Variants in CNTN3 observed in about 807,000 individuals in gnomAD.
The protein encoded by CNTN3 is contactin-3.
CNTN3 carries 60 observed loss-of-function variants against 119.1 expected under a neutral mutation model. The observed-to-expected ratio is 0.50, with a 90% CI of 0.41 to 0.62. The LOEUF (loss-of-function observed/expected upper bound fraction) is 0.62. Among genes scored for constraint, CNTN3 ranks in the 20% least tolerant of loss-of-function variants. The probability of loss-of-function intolerance (pLI) is 0.00; values close to 1 mark genes in which losing one functional copy is unlikely to be tolerated. For missense variants in CNTN3, 1,101 were observed against 1,242.4 expected, an observed-to-expected ratio of 0.89 and a Z score of 1.71; for synonymous variants, 450 against 438.7, an observed-to-expected ratio of 1.03 and a Z score of -0.32.
At chr3:74,327,741 T>C (rs1366230331) in intron 13 of CNTN3, among the ~76,000 whole-genome samples, 3 of 152,074 alleles carry the variant, frequency 2.0e-5, no homozygotes, top group African/African-American at 7.2e-5. Flanking sequence ...GTTTTCATAA[T>C]AATGAATCTA....
At chr3:74,594,798 T>G (rs1704770270) in intron 1 of CNTN3, among the ~76,000 whole-genome samples, 2 of 151,958 alleles carry the variant, frequency 1.3e-5, no homozygotes, top group Non-Finnish European at 2.9e-5. Flanking sequence ...TTATAGTCCT[T>G]TGGGTATATA....
chr3:74,567,029 G>A (rs1431823018), intron 1 of CNTN3, among the ~76,000 whole-genome samples: 2 of 152,132 alleles, frequency 1.3e-5, no homozygotes, highest in African/African-American at 4.8e-5. Context: ...TCAGCCTCTT[G>A]GGGCACAGAG....
chr3:74,583,222 C>A (rs1331211643), intron 1 of CNTN3, among the ~76,000 whole-genome samples: 1 of 152,060 alleles, frequency 6.6e-6, no homozygotes, highest in East Asian at 1.9e-4. Flanking sequence ...AGTGTGACCT[C>A]TGGATCGCAG....
intron 16 of CNTN3, among the ~76,000 whole-genome samples, chr3:74,300,816 C>T (rs1407149282): frequency 2.6e-5 from 4 of 152,092 alleles, no homozygotes; most frequent in Non-Finnish European, 5.9e-5. Context: ...TAATGTGATG[C>T]TATGTACACT....
intron 16 of CNTN3, among the ~76,000 whole-genome samples, chr3:74,301,089 T>C (rs188619664): frequency 2.6e-5 from 4 of 152,322 alleles, no homozygotes; most frequent in East Asian, 1.9e-4. Flanking sequence ...AAAACAGCAC[T>C]TCCCTTGTTA....
intron 1 of CNTN3, among the ~76,000 whole-genome samples, chr3:74,613,292 A>ATTCTTGCT (rs968166400): frequency 1.7e-5 from 2 of 114,508 alleles, no homozygotes; most frequent in Non-Finnish European, 3.7e-5. Context: ...TTTTTTAGTT[A>ATTCTTGCT]TTCTTGCTTA....
At chr3:74,331,429 G>A (rs1170800147) in intron 13 of CNTN3, among the ~76,000 whole-genome samples, 1 of 152,146 alleles carries the variant, frequency 6.6e-6, no homozygotes, top group Admixed American at 6.5e-5. Flanking sequence ...GTCCACATAA[G>A]GACGGAATTG....
chr3:74,529,265 A>G (rs1019988430), intron 1 of CNTN3, among the ~76,000 whole-genome samples: 3 of 151,920 alleles, frequency 2.0e-5, no homozygotes, highest in Admixed American at 2.0e-4. Flanking sequence ...GATTAACAAT[A>G]GAAAAGTAAT....
intron 11 of CNTN3, among the ~76,000 whole-genome samples, chr3:74,358,108 T>C (rs1455976313): frequency 6.6e-6 from 1 of 152,184 alleles, no homozygotes; most frequent in African/African-American, 2.4e-5. Flanking sequence ...CTAGCAGGCT[T>C]CTCCCTAAGC....
chr3:74,440,006 C>T (rs1701934779), intron 4 of CNTN3, among the ~76,000 whole-genome samples: 1 of 152,132 alleles, frequency 6.6e-6, no homozygotes, highest in African/African-American at 2.4e-5. Context: ...GATATAAAGA[C>T]CCAAGGCAAT....
intron 1 of CNTN3, among the ~76,000 whole-genome samples, chr3:74,543,834 C>T (rs1703875328): frequency 1.3e-5 from 2 of 152,006 alleles, no homozygotes; most frequent in Admixed American, 1.3e-4. Context: ...AAAACTGAGA[C>T]AGTCGAAAAA....
At chr3:74,453,788 A>C (rs2106955483) in intron 4 of CNTN3, among the ~76,000 whole-genome samples, 1 of 151,792 alleles carries the variant, frequency 6.6e-6, no homozygotes, top group East Asian at 1.9e-4. Context: ...GTAGTCATTC[A>C]GGAGCAGGTT....
At chr3:74,557,189 C>G (rs1301133403) in intron 1 of CNTN3, among the ~76,000 whole-genome samples, 2 of 152,094 alleles carry the variant, frequency 1.3e-5, no homozygotes, top group Non-Finnish European at 2.9e-5. Context: ...GTTTTAATGT[C>G]ATATCTAAGA....
chr3:74,613,127 T>C (rs939604989), intron 1 of CNTN3, among the ~76,000 whole-genome samples: 6 of 152,170 alleles, frequency 3.9e-5, no homozygotes, highest in Admixed American at 2.0e-4. Flanking sequence ...TTACTCCTCC[T>C]TTCAATCTCT....
intron 4 of CNTN3, among the ~76,000 whole-genome samples, chr3:74,443,072 G>A (rs1445212705): frequency 6.6e-6 from 1 of 152,048 alleles, no homozygotes; most frequent in Non-Finnish European, 1.5e-5. Flanking sequence ...AGAAAGGCAA[G>A]TGGGAAGGCC....
intron 5 of CNTN3, among the ~76,000 whole-genome samples, chr3:74,374,252 T>C (rs902794746): frequency 6.6e-6 from 1 of 151,900 alleles, no homozygotes; most frequent in Non-Finnish European, 1.5e-5. Context: ...TGAGGCTCTC[T>C]GCCCATTTCT....
rs577165418 is a variant in CNTN3, at chr3:74,468,987, T to C, written c.358+17469A>G. Among the ~76,000 whole-genome samples, 14 of 152,318 alleles carry C rather than the reference T, an allele frequency of 9.2e-5. No homozygotes were observed. The East Asian group carries it at 2.5e-3, about 27-fold the overall frequency. ...TCTAAAGGCCATTGTTATACTGTGATACTTGGGAAAATCTCAATTAAAAAA... is the reference window on the plus strand; with the variant it reads ...TCTAAAGGCCATTGTTATACTGTGACACTTGGGAAAATCTCAATTAAAAAA... On this transcript the variant is annotated intron_variant, in intron 4 of 22. Transcript: ENST00000263665.
chr3:74,308,348 GAT>G (rs1702606293), intron 13 of CNTN3, among the ~76,000 whole-genome samples: 1 of 152,296 alleles, frequency 6.6e-6, no homozygotes, highest in East Asian at 1.9e-4. Context: ...CTGAACAGGT[GAT>G]ATTTAAGACA....
chr3:74,323,367 T>C (rs1575726273), intron 13 of CNTN3, among the ~76,000 whole-genome samples: 2 of 152,210 alleles, frequency 1.3e-5, no homozygotes, highest in East Asian at 3.8e-4. Flanking sequence ...TATGTTTCCA[T>C]TTATATGAAA....
Sources: gnomAD v4.1 joint callset for allele counts (sites outside exome capture counted in the v4.1 genomes callset) on GRCh38, gnomAD v4.1.1 for gene constraint, MANE v1.5 for transcripts, NCBI Gene and HGNC (gene_info 2026-07-23, HGNC 2026-07-21) for gene names.